The following COL6A3 variants were observed in gnomAD, a reference collection of about 807,000 sequenced individuals.
COL6A3 encodes collagen alpha-3(VI) chain.
A neutral mutation model predicts 274.1 loss-of-function variants in COL6A3; 137 were observed. That is an observed-to-expected ratio of 0.50 (90% CI 0.44 to 0.58). The LOEUF (loss-of-function observed/expected upper bound fraction) is 0.58. Among genes scored for constraint, COL6A3 ranks in the 20% least tolerant of loss-of-function variants. The probability of loss-of-function intolerance (pLI) is 0.00; values close to 1 mark genes in which losing one functional copy is unlikely to be tolerated. For synonymous variants in COL6A3, 1,650 were observed against 1,650.6 expected (o/e 1.00, Z 0.01); for missense variants, 3,950 against 4,124.9 (o/e 0.96, Z 1.16).
rs186696360 is a variant in COL6A3, at chr2:237,361,935, G to A, written c.6064-104C>T. The A allele has an allele frequency of 3.7e-5, 36 of 985,024 alleles. No individual in the cohort carries two copies. The East Asian group carries it at 7.2e-4, about 20-fold the overall frequency. The allele number at this position is 985,024 out of a possible 1,614,324, so 61.0% of individuals were successfully genotyped here. The stretch of plus-strand genomic sequence containing the variant: ...AAAATCGGATGTGTGGGGGTTTCAC[G>A]GTGTGAGATGAAGTCCCTCCAGGTG... On this transcript the variant is annotated intron_variant, in intron 14 of 43. Coordinates refer to ENST00000295550, the MANE Select transcript of COL6A3 (RefSeq NM_004369.4). The surrounding 1 kb of genome is among the most constrained non-coding windows in gnomAD (Gnocchi z 5.1).
At position 237,377,189 on chromosome 2, in the gene COL6A3, T is replaced by C. The variant is rs779392358; in HGVS notation, c.2653A>G (p.Lys885Glu). Residue 885 changes from lysine (K) to glutamate (E), a missense_variant, in exon 7 of 44, where the codon AAG (lysine) becomes GAG (glutamate). By Grantham distance (56) the Lys-to-Glu change is moderately conservative. Around this residue, in one of 5 missense-constraint regions of COL6A3, gnomAD observed 1,934 missense variants for 1,984.3 expected, o/e 0.97. Coordinates refer to ENST00000295550, the MANE Select transcript of COL6A3 (RefSeq NM_004369.4). ...TGCTCATCAAAACGGGACTCCACCT[T>C]GACATCATCGCTGTACTGAGCCACC... ...IAVAQYSDDV[K>E]VESRFDEHQS... The C allele has an allele frequency of 6.2e-7, 1 of 1,614,150 alleles. No individual in the cohort carries two copies. The highest frequency in any genetic ancestry group is 8.5e-7 in the Non-Finnish European group (1 of 1,180,040).
At position 237,371,929 on chromosome 2, in the gene COL6A3, C is replaced by G; in HGVS notation, c.4088G>C (p.Gly1363Ala). 1 of 1,614,026 alleles carries G rather than the reference C, an allele frequency of 6.2e-7. No homozygotes were observed. Among genetic ancestry groups the G allele is most frequent in the Non-Finnish European group, 8.5e-7 (1 of 1,180,018 alleles). ...DDPAVELKQF[G>A]VAPFTIARNA... is the part of the protein sequence containing the mutation. ...CCTGGCGATCGTGAAAGGGGCCACGCCAAACTGCTTGAGCTCCACCGCCGG... is the reference window on the plus strand; with the variant it reads ...CCTGGCGATCGTGAAAGGGGCCACGGCAAACTGCTTGAGCTCCACCGCCGG... The change falls in exon 9 of 44, where the codon GGC becomes GCC. Residue 1363 changes from glycine (G) to alanine (A), a missense_variant. By Grantham distance (60) the Gly-to-Ala change is moderately conservative (BLOSUM62 0). Around this residue, in one of 5 missense-constraint regions of COL6A3, gnomAD observed 1,934 missense variants for 1,984.3 expected, o/e 0.97. Transcript: ENST00000295550. This position sits in a 1 kb window ranked among gnomAD's most constrained non-coding sequence, Gnocchi z 4.3.
chr2:237,376,714 C>A, intron 7 of COL6A3, 58 bp downstream of exon 7: 1 of 1,566,436 alleles, frequency 6.4e-7, no homozygotes, highest in South Asian at 1.1e-5. Flanking sequence ...AGCAGCCTAC[C>A]CTCAACTCAT....
At position 237,363,313 on chromosome 2, in the gene COL6A3, C is replaced by A; in HGVS notation, c.6003G>T (p.Met2001Ile). 1 of 1,614,148 alleles carries A rather than the reference C, an allele frequency of 6.2e-7. No individual in the cohort carries two copies. Among genetic ancestry groups the A allele is most frequent in the Non-Finnish European group, 8.5e-7 (1 of 1,180,028 alleles). The change falls in exon 14 of 44, where the codon ATG becomes ATT. Residue 2001 changes from methionine (M) to isoleucine (I), a missense_variant. Coordinates refer to ENST00000295550, the MANE Select transcript of COL6A3 (RefSeq NM_004369.4). The part of the protein sequence containing the change: ...LMHLEFGRGF[M>I]YDRPLRLNLL... ...AGTTAAGCCTCAGGGGCCTGTCATA[C>A]ATAAACCCTCGCCCAAACTCCAGAT...
chr2:237,409,444 G>A (rs961841394), intron 1 of COL6A3, among the ~76,000 whole-genome samples: 4 of 152,028 alleles, frequency 2.6e-5, no homozygotes, highest in African/African-American at 7.2e-5. Flanking sequence ...TGAACCTCAG[G>A]GCTCAAGGCC....
intron 7 of COL6A3, among the ~76,000 whole-genome samples, chr2:237,375,657 C>T (rs1194566155): frequency 6.6e-6 from 1 of 152,168 alleles, no homozygotes; most frequent in Admixed American, 6.5e-5. Flanking sequence ...ATTCTTCTGC[C>T]TCAGCCTCCA....
chr2:237,395,208 TAA>T lies in COL6A3; in HGVS notation c.92-6_92-5del, dbSNP rs1476890625. The T allele has an allele frequency of 3.1e-6, 5 of 1,612,818 alleles. No homozygotes were observed. Among genetic ancestry groups the T allele is most frequent in the African/African-American group, 2.7e-5 (2 of 74,910 alleles). ...GCAGCCGCACCATTTTTGACATCTT[TAA>T]AAAAAGACATTGGTTTAGATTTTTC... On this transcript the variant is annotated splice_region_variant and splice_polypyrimidine_tract_variant and intron_variant, in intron 2 of 43. Transcript: ENST00000295550.
At chr2:237,346,396 A>G (rs886706901) in intron 32 of COL6A3, 107 bp downstream of exon 32, 1 of 941,562 alleles carries the variant, frequency 1.1e-6, no homozygotes, top group South Asian at 1.3e-5. Flanking sequence ...GCAAATACAA[A>G]GAGAGCACAT....
In COL6A3 at chr2:237,357,865, G is replaced by C. The variant is rs758376967; in HGVS notation, c.6489C>G (p.Asp2163Glu). 11 of 1,614,166 alleles carry C rather than the reference G, an allele frequency of 6.8e-6. No individual in the cohort carries two copies. The highest frequency in any genetic ancestry group is 8.5e-6 in the Non-Finnish European group (10 of 1,180,030). Reference sequence around the variant, plus strand: ...CTCCTTTGGGTCCTCTCTCCTGGCTGTCTTGTCCTGGGTTACCCTGAAAGC... The same window carrying C: ...CTCCTTTGGGTCCTCTCTCCTGGCTCTCTTGTCCTGGGTTACCCTGAAAGC... ...IRGDPGNPGQ[D>E]SQERGPKGET... Residue 2163 changes from aspartate to glutamate, a missense_variant, in exon 22 of 44, where the codon GAC becomes GAG. Physicochemically the swap from Asp to Glu is conservative, Grantham distance 45. Transcript: ENST00000295550.
chr2:237,397,599 C>A (rs545530461), intron 1 of COL6A3, among the ~76,000 whole-genome samples: 1 of 152,224 alleles, frequency 6.6e-6, no homozygotes, highest in African/African-American at 2.4e-5. Context: ...GGACCTCAGA[C>A]CTCTTCTTGT....
chr2:237,404,453 A>C (rs950220212), intron 1 of COL6A3, among the ~76,000 whole-genome samples: 4 of 152,302 alleles, frequency 2.6e-5, no homozygotes, highest in African/African-American at 9.6e-5. Flanking sequence ...AAGAGGCATG[A>C]TTTTAAGTGG....
chr2:237,357,909 G>C (rs200520181), intron 21 of COL6A3, 27 bp from the exon 22 acceptor site: 3 of 1,606,308 alleles, frequency 1.9e-6, no homozygotes, highest in African/African-American at 2.7e-5. Context: ...AAAGGGAAAT[G>C]AGCCACATAT....
intron 1 of COL6A3, among the ~76,000 whole-genome samples, chr2:237,409,788 C>T (rs763174508): frequency 4.6e-5 from 7 of 152,132 alleles, no homozygotes; most frequent in Non-Finnish European, 1.0e-4. Flanking sequence ...TTCTAAAATC[C>T]GGTAATTCTA....
At chr2:237,331,290 T>C (rs1390739247) in intron 42 of COL6A3, among the ~76,000 whole-genome samples, 1 of 152,108 alleles carries the variant, frequency 6.6e-6, no homozygotes, top group Non-Finnish European at 1.5e-5. Context: ...TGGTTCATTG[T>C]CACTCCTTTT....
chr2:237,394,583 T>A lies in COL6A3; in HGVS notation c.709+4A>T. The A allele has an allele frequency of 6.2e-7, 1 of 1,613,948 alleles. No homozygotes were observed. Among genetic ancestry groups the A allele is most frequent in the Middle Eastern group, 1.7e-4 (1 of 5,896 alleles). On this transcript the variant is annotated splice_donor_region_variant and intron_variant, in intron 3 of 43. Transcript: ENST00000295550. ...AGGGCGTAGCTTGGTGGCGTTGCCA[T>A]TACCTGTGATGTCTTTAAGGGTTTC...
Position 237,365,698 on chromosome 2 carries a change from C to A in COL6A3, c.5838G>T (p.Lys1946Asn). ...ACCTGAACCAACTGGCCCCACAGAC[C>A]TTCACGCTGTCCGGCGAGGACTGTC... Reference protein sequence around the residue: ...KFRQSSPDSVKVVIHFTDGAD... With the variant: ...KFRQSSPDSVNVVIHFTDGAD... The change falls in exon 12 of 44, where the codon AAG becomes AAT. Residue 1946 changes from lysine (K) to asparagine (N), a missense_variant and splice_region_variant. Around this residue, in one of 5 missense-constraint regions of COL6A3, gnomAD observed 632 missense variants for 623.4 expected, o/e 1.01. Transcript: ENST00000295550. 6.2e-7 allele frequency: 1 copy of A among 1,614,168 alleles called. No homozygotes were observed.
rs1236286574 is a variant in COL6A3, at chr2:237,407,129, C to A, written c.-31+6824G>T. On this transcript the variant is annotated intron_variant, in intron 1 of 43. Coordinates refer to ENST00000295550, the MANE Select transcript of COL6A3 (RefSeq NM_004369.4). This position sits in a 1 kb window ranked among gnomAD's most constrained non-coding sequence, Gnocchi z 4.3. ...ATCTCACTATATTGCCCAGGCTGGT[C>A]TCAAACTCTTGGGCTCAAGGGATCC... Among the ~76,000 whole-genome samples, 2 of 151,988 alleles carry A rather than the reference C, an allele frequency of 1.3e-5. No homozygotes were observed. The highest frequency in any genetic ancestry group is 2.9e-5 in the Non-Finnish European group (2 of 67,990).
chr2:237,346,979 A>G (rs2077109789), intron 31 of COL6A3, among the ~76,000 whole-genome samples: 1 of 151,786 alleles, frequency 6.6e-6, no homozygotes, highest in African/African-American at 2.4e-5. Context: ...TCACTGATCA[A>G]ATTAATAAGA....
rs2078179571 is a variant in COL6A3 at position 237,387,673 on chromosome 2, G to A, written c.1221C>T (p.Ser407=). The change falls in exon 4 of 44, where the codon AGC becomes AGT. Residue 407 remains serine (S), a synonymous_variant. Coordinates refer to ENST00000295550, the MANE Select transcript of COL6A3 (RefSeq NM_004369.4). ...GTAATTTCTCCTGGAGGTCCCCAAAGCTACGGAATTCCGGGACAGTAAACA... is the reference window on the plus strand; with the variant it reads ...GTAATTTCTCCTGGAGGTCCCCAAAACTACGGAATTCCGGGACAGTAAACA... ...NLVFTVPEFR[S]FGDLQEKLLP... is the part of the protein sequence containing the mutation. The A allele has an allele frequency of 6.2e-7, 1 of 1,613,936 alleles. No individual in the cohort carries two copies. The highest frequency in any genetic ancestry group is 8.5e-7 in the Non-Finnish European group (1 of 1,179,910).
Sources: allele counts gnomAD v4.1 joint callset (sites outside exome capture counted in the v4.1 genomes callset), GRCh38; gene constraint gnomAD v4.1.1; regional missense constraint gnomAD v4.1.1; non-coding constraint Gnocchi (gnomAD v3.1); transcripts MANE v1.5; gene names NCBI Gene and HGNC (gene_info 2026-07-23, HGNC 2026-07-21).